The following IFT22 variants were observed in gnomAD, a reference collection of about 807,000 sequenced individuals.
The protein encoded by IFT22 is intraflagellar transport 22.
Under a neutral mutation model 21.0 loss-of-function variants are expected in IFT22, and 13 were observed. That is an observed-to-expected ratio of 0.62 (90% confidence interval 0.40 to 0.98). The LOEUF (loss-of-function observed/expected upper bound fraction) is 0.98, where lower values mean the gene tolerates loss of function less well. IFT22 is among the 50% of genes least tolerant of loss of function. The probability of loss-of-function intolerance (pLI) is 0.00; values close to 1 mark genes in which losing one functional copy is unlikely to be tolerated. For synonymous variants in IFT22, 67 were observed against 82.4 expected, an observed-to-expected ratio of 0.81 and a Z score of 1.01; for missense variants, 227 against 228.9, an observed-to-expected ratio of 0.99 and a Z score of 0.06.
At position 101,313,679 on chromosome 7, in the gene IFT22, G is replaced by A. The variant is rs1459501229; in HGVS notation, c.*1455C>T. On this transcript the variant is annotated 3_prime_UTR_variant, in exon 5 of 5. Coordinates refer to ENST00000315322, the MANE Select transcript of IFT22 (RefSeq NM_022777.4). ...TGTGTGTCTGCGAATAACTGAGAAA[G>A]TGCCACAGTATTGATTTGGGGGTTA... 6.6e-6 allele frequency: 1 copy of A among 152,162 alleles called. No individual in the cohort carries two copies. Among genetic ancestry groups the A allele is most frequent in the African/African-American group, 2.4e-5 (1 of 41,432 alleles). 9.4% of individuals were successfully genotyped at this position (152,162 alleles called of 1,614,324 possible). A position where few individuals can be genotyped will look rare whatever the true frequency, so the allele number is the denominator to read the frequency against.
In IFT22 at chr7:101,316,074, C is replaced by G. The variant is rs1020764974; in HGVS notation, c.409+266G>C. 8.1e-6 allele frequency: 3 copies of G among 372,478 alleles called. No homozygotes were observed. The East Asian group carries it at 1.6e-4, about 19-fold the overall frequency. The allele number at this position is 372,478 out of a possible 1,614,324, so 23.1% of individuals were successfully genotyped here. ...AGTGTAGTGGTGAGATCTCAACTCA[C>G]TGCAATCTCCGCCTCCTGGGCTCAA... On this transcript the variant is annotated intron_variant, in intron 4 of 4. Coordinates refer to ENST00000315322, the MANE Select transcript of IFT22 (RefSeq NM_022777.4).
Position 101,315,010 on chromosome 7 carries a change from G to A in IFT22, c.*124C>T, listed in dbSNP as rs948826881. The A allele has an allele frequency of 2.8e-6, 3 of 1,081,228 alleles. No homozygotes were observed. Among genetic ancestry groups the A allele is most frequent in the South Asian group, 3.1e-5 (2 of 63,846 alleles). 67.0% of individuals were successfully genotyped at this position (1,081,228 alleles called of 1,614,324 possible). ...CCTGTGTGACAGGTGCCTTCCTGCA[G>A]GTAGGAACACTTCCTCTGCAGTCAG... On this transcript the variant is annotated 3_prime_UTR_variant, in exon 5 of 5. Transcript: ENST00000315322.
Position 101,314,968 on chromosome 7 carries a change from A to G in IFT22, c.*166T>C, listed in dbSNP as rs1790097514. ...CAACTGAACTCAGGGCAGAGCACAG[A>G]TGGTCTGAGTGAACGCCCTGTGTGA... On this transcript the variant is annotated 3_prime_UTR_variant, in exon 5 of 5. Transcript: ENST00000315322. The G allele has an allele frequency of 1.5e-6, 1 of 676,048 alleles. No individual in the cohort carries two copies. Among genetic ancestry groups the G allele is most frequent in the Non-Finnish European group, 2.4e-6 (1 of 409,784 alleles). The allele number at this position is 676,048 out of a possible 1,614,324, so 41.9% of individuals were successfully genotyped here.
At chr7:101,318,717 G>T in intron 2 of IFT22, 1 of 456,702 alleles carries the variant, frequency 2.2e-6, no homozygotes, top group Non-Finnish European at 4.0e-6. Context: ...GCTCACTGCA[G>T]CCTCCAACTC....
intron 3 of IFT22, 121 bp downstream of exon 3, chr7:101,318,003 G>T: frequency 1.3e-6 from 1 of 755,948 alleles, no homozygotes; most frequent in Non-Finnish European, 2.3e-6. Context: ...CTTCTCCTCA[G>T]GTGAGCCACC....
At position 101,315,077 on chromosome 7, in the gene IFT22, T is replaced by C. The variant is rs1205838215; in HGVS notation, c.*57A>G. The stretch of plus-strand genomic sequence containing the variant: ...CAGGAGCTGGATGTGATTTCAGATC[T>C]GCACCGAGAAACATGCTGATTTCAC... On this transcript the variant is annotated 3_prime_UTR_variant, in exon 5 of 5. Transcript: ENST00000315322. 1.9e-6 allele frequency: 3 copies of C among 1,570,716 alleles called. No homozygotes were observed. Among genetic ancestry groups the C allele is most frequent in the Non-Finnish European group, 2.6e-6 (3 of 1,154,144 alleles).
chr7:101,320,917 C>T (rs1790325245), intron 1 of IFT22, among the ~76,000 whole-genome samples: 1 of 152,066 alleles, frequency 6.6e-6, no homozygotes, highest in Admixed American at 6.6e-5. Flanking sequence ...GAGGCCGAGG[C>T]TGGCGGATCA....
rs1338323176 is a variant in IFT22 at position 101,319,035 on chromosome 7, G to A, written c.40-3C>T. ...TTGGCCAAAACAGTTTTTCCACTCT[G>A]TGAAAATGAGTGCAAATAAAGGTCT... On this transcript the variant is annotated splice_region_variant and splice_polypyrimidine_tract_variant and intron_variant, in intron 1 of 4. Transcript: ENST00000315322. The A allele has an allele frequency of 6.2e-7, 1 of 1,613,582 alleles. No homozygotes were observed. Among genetic ancestry groups the A allele is most frequent in the African/African-American group, 1.3e-5 (1 of 75,032 alleles).
rs1790348179 is a variant in IFT22 at position 101,321,528 on chromosome 7, AG to A, written c.39+142del. The stretch of plus-strand genomic sequence containing the variant: ...AAAGCACCGAGTTCACGGAAAGGGC[AG>A]GGGCGCCAGTCGGGATGGGCGCGGT... On this transcript the variant is annotated intron_variant, in intron 1 of 4. Transcript: ENST00000315322. 5 of 756,652 alleles carry A rather than the reference AG, an allele frequency of 6.6e-6. No individual in the cohort carries two copies. In the South Asian group the frequency reaches 9.2e-5, roughly 14 times the overall value. The allele number at this position is 756,652 out of a possible 1,614,324, so 46.9% of individuals were successfully genotyped here. A position where few individuals can be genotyped will look rare whatever the true frequency, so the allele number is the denominator to read the frequency against.
chr7:101,320,188 C>T (rs1454967774), intron 1 of IFT22, among the ~76,000 whole-genome samples: 1 of 151,904 alleles, frequency 6.6e-6, no homozygotes, highest in Admixed American at 6.6e-5. Context: ...AACTCCTGAC[C>T]TCAGGTGATC....
At chr7:101,315,303 T>A in intron 4 of IFT22, 21 bp from the exon 5 acceptor site, 1 of 1,613,972 alleles carries the variant, frequency 6.2e-7, no homozygotes, top group Non-Finnish European at 8.5e-7. Context: ...AAGATAAGGT[T>A]AATTAGGCAA....
chr7:101,320,202 C>T (rs144551059), intron 1 of IFT22, among the ~76,000 whole-genome samples: 4,058 of 151,960 alleles, frequency 0.027, 179 homozygotes, highest in African/African-American at 0.092. Flanking sequence ...GGTGATCCAC[C>T]TGCATTGGCC....
rs1379872909 is a variant in IFT22, at chr7:101,318,223, A to G, written c.117-10T>C. 2 of 1,610,270 alleles carry G rather than the reference A, an allele frequency of 1.2e-6. No individual in the cohort carries two copies. The highest frequency in any genetic ancestry group is 3.3e-5 in the Admixed American group (2 of 59,966). On this transcript the variant is annotated splice_polypyrimidine_tract_variant and intron_variant, in intron 2 of 4. Coordinates refer to ENST00000315322, the MANE Select transcript of IFT22 (RefSeq NM_022777.4). Reference sequence around the variant, plus strand: ...CTCAAATTCTAGGATCCTAAAAGGAAAAAGAAGAGCAGTAGGCTGGGTGCA... The same window carrying G: ...CTCAAATTCTAGGATCCTAAAAGGAGAAAGAAGAGCAGTAGGCTGGGTGCA...
intron 1 of IFT22, among the ~76,000 whole-genome samples, chr7:101,320,449 C>CG (rs1790303356): frequency 6.7e-6 from 1 of 148,298 alleles, no homozygotes; most frequent in African/African-American, 2.5e-5. Context: ...TTAGTAGAGA[C>CG]GGGGTTTCAC....
At chr7:101,316,639 T>C (rs1195644505) in intron 3 of IFT22, 97 bp from the exon 4 acceptor site, 2 of 1,304,446 alleles carry the variant, frequency 1.5e-6, no homozygotes, top group African/African-American at 1.5e-5. Context: ...AGTTGGTCTA[T>C]GACGGCTGGG....
chr7:101,321,360 G>A (rs1790342017), intron 1 of IFT22: 10 of 412,102 alleles, frequency 2.4e-5, no homozygotes, highest in Middle Eastern at 6.8e-4. Flanking sequence ...ATTCATTAGG[G>A]GGATCCCGGG....
chr7:101,319,085 CA>C (rs749408183), intron 1 of IFT22, 53 bp from the exon 2 acceptor site: 14 of 1,585,096 alleles, frequency 8.8e-6, no homozygotes, highest in South Asian at 2.2e-5. Context: ...AAAAGGAAAC[CA>C]AAAAAATGAC....
At chr7:101,319,679 G>A (rs11767513) in intron 1 of IFT22, among the ~76,000 whole-genome samples, 28,961 of 137,388 alleles carry the variant, frequency 0.21, 3,136 homozygotes, top group East Asian at 0.4. Flanking sequence ...GGTCTTGCTC[G>A]GTTGCCCAGG....
At position 101,315,055 on chromosome 7, in the gene IFT22, G is replaced by A; in HGVS notation, c.*79C>T. On this transcript the variant is annotated 3_prime_UTR_variant, in exon 5 of 5. Transcript: ENST00000315322. ...AGTCAGAGGGAGAAGAAAACATCAG[G>A]AGCTGGATGTGATTTCAGATCTGCA... 1 of 1,473,444 alleles carries A rather than the reference G, an allele frequency of 6.8e-7. No homozygotes were observed. The highest frequency in any genetic ancestry group is 9.2e-7 in the Non-Finnish European group (1 of 1,084,666). The allele number at this position is 1,473,444 out of a possible 1,614,324, so 91.3% of individuals were successfully genotyped here. A position where few individuals can be genotyped will look rare whatever the true frequency, so the allele number is the denominator to read the frequency against.
Sources: gnomAD v4.1 joint callset for allele counts (sites outside exome capture counted in the v4.1 genomes callset) on GRCh38, gnomAD v4.1.1 for gene constraint, MANE v1.5 for transcripts, NCBI Gene and HGNC (gene_info 2026-07-23, HGNC 2026-07-21) for gene names.